PUM1: variants seen among roughly 807,000 people sequenced by gnomAD.
PUM1 encodes the protein pumilio RNA binding family member 1, also known as pumilio homolog 1.
Under a neutral mutation model 131.8 loss-of-function variants are expected in PUM1, and 13 were observed. The ratio of observed to expected loss-of-function variants is 0.10; its 90% CI spans 0.06 to 0.16. The LOEUF is 0.16. Ranked by LOEUF, PUM1 falls within the 10% of genes least tolerant of loss-of-function variation. PUM1 has a pLI of 1.00. For missense variants in PUM1, 961 were observed against 1,512.4 expected, an observed-to-expected ratio of 0.64 and a Z score of 6.05; for synonymous variants, 509 against 556.5, an observed-to-expected ratio of 0.91 and a Z score of 1.20.
chr1:31,051,404 A>G (rs1037552911), intron 2 of PUM1, among the ~76,000 whole-genome samples: 3 of 152,042 alleles, frequency 2.0e-5, no homozygotes, highest in Non-Finnish European at 4.4e-5. Flanking sequence ...CCCAGGTTCA[A>G]GCAATTCTCC....
At chr1:30,994,154 G>C (rs1641902197) in intron 6 of PUM1, among the ~76,000 whole-genome samples, 1 of 152,102 alleles carries the variant, frequency 6.6e-6, no homozygotes, top group South Asian at 2.1e-4. Context: ...AATTAGATTA[G>C]GGATACAAAA....
Position 31,006,012 on chromosome 1 carries a change from T to C in PUM1, c.561A>G (p.Pro187=), listed in dbSNP as rs1642390781. Reference sequence around the variant, plus strand: ...GACCAGGTCTTCTCTGCACCATGATTGGCTGGGAAACTGAATGATCTACAA... The same window carrying C: ...GACCAGGTCTTCTCTGCACCATGATCGGCTGGGAAACTGAATGATCTACAA... ...WGTSDHSVSQ[P]IMVQRRPGQS... Residue 187 remains proline (P), a synonymous_variant, in exon 5 of 22, where the codon CCA becomes CCG. Transcript: ENST00000426105. 1 of 1,604,080 alleles carries C rather than the reference T, an allele frequency of 6.2e-7. No individual in the cohort carries two copies. The highest frequency in any genetic ancestry group is 8.5e-7 in the Non-Finnish European group (1 of 1,176,622).
intron 20 of PUM1, among the ~76,000 whole-genome samples, chr1:30,938,480 T>G (rs1639304887): frequency 6.6e-6 from 1 of 152,278 alleles, no homozygotes; most frequent in African/African-American, 2.4e-5. Flanking sequence ...CTGGAACTCC[T>G]GGCCTCAAGT....
chr1:30,965,347 A>G (rs1640576414), intron 13 of PUM1, among the ~76,000 whole-genome samples: 1 of 152,140 alleles, frequency 6.6e-6, no homozygotes, highest in East Asian at 1.9e-4. Context: ...AGTGGGTTCA[A>G]TCGAGAGTTA....
intron 2 of PUM1, among the ~76,000 whole-genome samples, chr1:31,037,874 C>T (rs764604990): frequency 4.0e-5 from 6 of 151,484 alleles, no homozygotes; most frequent in Admixed American, 1.3e-4. Context: ...AGGAGGTCAG[C>T]AGACCATCCT....
At chr1:31,015,308 C>T (rs1642771496) in intron 3 of PUM1, among the ~76,000 whole-genome samples, 2 of 152,064 alleles carry the variant, frequency 1.3e-5, no homozygotes, top group African/African-American at 4.8e-5. Context: ...ATCTCTCAAG[C>T]AGATACATTT....
rs1640608164 is a variant in PUM1, at chr1:30,966,056, G to GTGT, written c.2009_2011dup (p.Asn670dup). The GTGT allele has an allele frequency of 6.2e-7, 1 of 1,614,228 alleles. No individual in the cohort carries two copies. The highest frequency in any genetic ancestry group is 1.3e-5 in the African/African-American group (1 of 75,060). On this transcript the variant is annotated inframe_insertion, in exon 13 of 22. Transcript: ENST00000426105. ...ACTGCTACTTCCGAATCCCAAGGAT[G>GTGT]TGTTGGCAGGCTGGGCAGAGCCCTG...
At chr1:31,020,140 C>G (rs1477367970) in intron 3 of PUM1, among the ~76,000 whole-genome samples, 1 of 152,128 alleles carries the variant, frequency 6.6e-6, no homozygotes, top group Non-Finnish European at 1.5e-5. Context: ...GTTTAGTTCC[C>G]ACTTACAAGT....
chr1:30,941,913 G>C (rs1336782045), intron 19 of PUM1, 85 bp downstream of exon 19: 4 of 1,325,512 alleles, frequency 3.0e-6, no homozygotes, highest in Non-Finnish European at 4.1e-6. Context: ...AACCTCTTCT[G>C]GAACCTACAC....
intron 5 of PUM1, among the ~76,000 whole-genome samples, chr1:31,001,615 C>G (rs1642216634): frequency 6.6e-6 from 1 of 152,152 alleles, no homozygotes; most frequent in Non-Finnish European, 1.5e-5. Flanking sequence ...ATAGAGACAA[C>G]AGTATCTACC....
intron 2 of PUM1, among the ~76,000 whole-genome samples, chr1:31,038,958 T>TATATATATATATA (rs1553152630): frequency 0.014 from 619 of 43,630 alleles, 86 homozygotes; most frequent in Non-Finnish European, 0.019. Flanking sequence ...TTTTAAAATT[T>TATATATATATATA]TATATATATA....
At position 30,974,815 on chromosome 1, in the gene PUM1, A is replaced by G. The variant is rs1641069575; in HGVS notation, c.1355-13T>C. 1 of 1,592,988 alleles carries G rather than the reference A, an allele frequency of 6.3e-7. No individual in the cohort carries two copies. On this transcript the variant is annotated splice_polypyrimidine_tract_variant and intron_variant, in intron 9 of 21. Coordinates refer to ENST00000426105, the MANE Select transcript of PUM1 (RefSeq NM_001020658.2). ...ACCACAGCTGGGCCTAAAAATAGCAAAAGAAAGGTAAAGAAAGTCTGAACT... is the reference window on the plus strand; with the variant it reads ...ACCACAGCTGGGCCTAAAAATAGCAGAAGAAAGGTAAAGAAAGTCTGAACT...
intron 3 of PUM1, among the ~76,000 whole-genome samples, chr1:31,020,895 TG>T (rs1642996414): frequency 2.0e-5 from 3 of 152,346 alleles, no homozygotes; most frequent in African/African-American, 7.2e-5. Flanking sequence ...TTTGATGTTA[TG>T]GTTCCTTATT....
intron 3 of PUM1, among the ~76,000 whole-genome samples, chr1:31,007,312 G>C (rs1269752567): frequency 7.5e-6 from 1 of 134,220 alleles, no homozygotes; most frequent in African/African-American, 3.4e-5. Flanking sequence ...GGGGGGCAGG[G>C]GTGGGGACAC....
Position 31,038,982 on chromosome 1 carries a change from ATATTTT to A in PUM1, c.364-10124_364-10119del, listed in dbSNP as rs1430791119. Among the ~76,000 whole-genome samples the A allele has an allele frequency of 2.0e-3, 56 of 27,974 alleles. 1 individual carries two copies. In the South Asian group the frequency reaches 0.059, roughly 29 times the overall value. 18.4% of individuals were successfully genotyped at this position (27,974 alleles called of 152,430 possible). On this transcript the variant is annotated intron_variant, in intron 2 of 21. Coordinates refer to ENST00000426105, the MANE Select transcript of PUM1 (RefSeq NM_001020658.2). ...TTTATATATATATATATATATATAT[ATATTTT>A]TTTTTTTTTTTTCCTTTTCTCTTTT... is the stretch of plus-strand genomic sequence containing the variant.
intron 1 of PUM1, among the ~76,000 whole-genome samples, chr1:31,063,389 G>T (rs1467088542): frequency 1.3e-5 from 2 of 151,998 alleles, no homozygotes; most frequent in Non-Finnish European, 2.9e-5. Flanking sequence ...CCCTAGTTAA[G>T]GCAACTCCAG....
chr1:31,003,665 G>C (rs187625458), intron 5 of PUM1, among the ~76,000 whole-genome samples: 26 of 152,220 alleles, frequency 1.7e-4, no homozygotes, highest in Admixed American at 1.6e-3. Flanking sequence ...GCTAAGGCAG[G>C]AGAATCGTTT....
chr1:30,949,353 T>C, intron 17 of PUM1: 5 of 326,892 alleles, frequency 1.5e-5, no homozygotes, highest in South Asian at 9.2e-5. Context: ...TTTTGCCTCC[T>C]GGGCCCTGTG....
intron 14 of PUM1, among the ~76,000 whole-genome samples, chr1:30,955,665 A>G (rs1640133703): frequency 6.6e-6 from 1 of 152,156 alleles, no homozygotes; most frequent in Non-Finnish European, 1.5e-5. Context: ...ACAATTAAAA[A>G]CCCACGAGAA....
Sources: gnomAD v4.1 joint callset for allele counts (sites outside exome capture counted in the v4.1 genomes callset) on GRCh38, gnomAD v4.1.1 for gene constraint, MANE v1.5 for transcripts, NCBI Gene and HGNC (gene_info 2026-07-23, HGNC 2026-07-21) for gene names.